ANKFY1: variants seen among roughly 807,000 people sequenced by gnomAD.
ANKFY1 encodes the protein ankyrin repeat and FYVE domain-containing protein 1.
In ANKFY1, 47 loss-of-function variants were observed where a neutral mutation model predicts 128.3. The observed-to-expected ratio is 0.37, with a 90% CI of 0.29 to 0.47. The LOEUF (loss-of-function observed/expected upper bound fraction) is 0.47. Ranked by LOEUF, ANKFY1 falls within the 20% of genes least tolerant of loss-of-function variation. The pLI, the probability that ANKFY1 is intolerant of heterozygous loss-of-function variation, is 1.00. For missense variants in ANKFY1, 1,222 were observed against 1,510.6 expected, an observed-to-expected ratio of 0.81 and a Z score of 3.17; for synonymous variants, 553 against 601.6, an observed-to-expected ratio of 0.92 and a Z score of 1.18.
At position 4,180,901 on chromosome 17, in the gene ANKFY1, T is replaced by C. The variant is rs1214221064; in HGVS notation, c.2240+353A>G. The C allele has an allele frequency of 6.6e-5, 13 of 196,232 alleles. No individual in the cohort carries two copies. In the East Asian group the frequency reaches 1.5e-3, roughly 22 times the overall value. The allele number at this position is 196,232 out of a possible 1,614,324, so 12.2% of individuals were successfully genotyped here. ...AGGGGGCCACAGAGCCTGTTACGAC[T>C]CACACATCGTGGTGGGGTCCTGCAG... On this transcript the variant is annotated intron_variant, in intron 16 of 24. Transcript: ENST00000341657.
At chr17:4,248,108 T>A (rs947120923) in intron 1 of ANKFY1, among the ~76,000 whole-genome samples, 3 of 152,158 alleles carry the variant, frequency 2.0e-5, no homozygotes, top group African/African-American at 7.2e-5. Flanking sequence ...TGTGCTTCAG[T>A]CTTCTCACAT....
intron 3 of ANKFY1, among the ~76,000 whole-genome samples, chr17:4,233,925 G>T (rs1486656108): frequency 6.6e-6 from 1 of 152,224 alleles, no homozygotes. Context: ...GGCAAGTCCA[G>T]TCATAAGCAG....
At chr17:4,187,504 G>A (rs1274994381) in intron 11 of ANKFY1, 7 of 375,278 alleles carry the variant, frequency 1.9e-5, no homozygotes, top group Non-Finnish European at 2.8e-5. Context: ...CCCACACAGC[G>A]GAAGCCAGTG....
At chr17:4,197,856 G>A (rs143955896) in intron 7 of ANKFY1, among the ~76,000 whole-genome samples, 6 of 152,260 alleles carry the variant, frequency 3.9e-5, no homozygotes, top group Non-Finnish European at 8.8e-5. Context: ...TGGGCCAGGC[G>A]CAGTGGCTCA....
Position 4,184,798 on chromosome 17 carries a change from C to T in ANKFY1, c.1699+20G>A, listed in dbSNP as rs1316477371. On this transcript the variant is annotated intron_variant, in intron 12 of 24. Transcript: ENST00000341657. ...GCTGTCCCCAAGTCAAAAGGATGGACAGTATTCCCACTTACTTACCTTTCT... is the reference window on the plus strand; with the variant it reads ...GCTGTCCCCAAGTCAAAAGGATGGATAGTATTCCCACTTACTTACCTTTCT... 5 of 1,605,810 alleles carry T rather than the reference C, an allele frequency of 3.1e-6. No homozygotes were observed. The highest frequency in any genetic ancestry group is 4.5e-5 in the East Asian group (2 of 44,846).
chr17:4,239,219 A>T lies in ANKFY1; in HGVS notation c.203+3037T>A, dbSNP rs561884247. The stretch of plus-strand genomic sequence containing the variant: ...GCAAAATAAAATTACTAATCAATTG[A>T]TAAGTAATTGAGAAACTAAATGATG... On this transcript the variant is annotated intron_variant, in intron 2 of 24. Transcript: ENST00000341657. Among the ~76,000 whole-genome samples the T allele has an allele frequency of 1.6e-4, 24 of 152,370 alleles. No individual in the cohort carries two copies. In the South Asian group the frequency reaches 4.6e-3, roughly 29 times the overall value.
In ANKFY1 at chr17:4,193,735, AT is replaced by A. The variant is rs112195832; in HGVS notation, c.1372+1242del. ...AGCCACTGCGCCTGGCTGACCTTTA[AT>A]TTTTTTTTATTTTATTTTAATTAAT... On this transcript the variant is annotated intron_variant, in intron 10 of 24. Coordinates refer to ENST00000341657, the MANE Select transcript of ANKFY1 (RefSeq NM_001330063.2). Among the ~76,000 whole-genome samples the A allele has an allele frequency of 9.2e-3, 1,368 of 148,596 alleles. 17 individuals carry two copies. Among genetic ancestry groups the A allele is most frequent in the African/African-American group, 0.033 (1,317 of 40,376 alleles).
chr17:4,243,894 C>T (rs1363474251), intron 1 of ANKFY1, among the ~76,000 whole-genome samples: 2 of 152,042 alleles, frequency 1.3e-5, no homozygotes, highest in African/African-American at 4.8e-5. Context: ...ATACCTGTCA[C>T]TGGAGCCCTG....
rs565850045 is a variant in ANKFY1, at chr17:4,183,453, G to T, written c.1897C>A (p.Gln633Lys). 32 of 1,613,806 alleles carry T rather than the reference G, an allele frequency of 2.0e-5. No individual in the cohort carries two copies. The African/African-American group carries it at 2.1e-4, about 11-fold the overall frequency. The change falls in exon 14 of 25, where the codon CAG becomes AAG. Residue 633 changes from glutamine (Q) to lysine (K), a missense_variant. By Grantham distance (53) the Gln-to-Lys change is moderately conservative (BLOSUM62 1). Transcript: ENST00000341657. ...AGGAAGAGTGCGCTCTTGCTGTCCT[G>T]CCGCTGTATGGCCATGTGCAGTAGC... ...QTLLHMAIQR[Q>K]DSKSALFLLE... is the part of the protein sequence containing the mutation.
chr17:4,212,346 G>A (rs76398359), intron 4 of ANKFY1, among the ~76,000 whole-genome samples: 55 of 152,304 alleles, frequency 3.6e-4, no homozygotes, highest in African/African-American at 1.3e-3. Flanking sequence ...TTACATTTTA[G>A]GGGCCAAATT....
At chr17:4,247,405 A>C (rs764467162) in intron 1 of ANKFY1, among the ~76,000 whole-genome samples, 8 of 152,206 alleles carry the variant, frequency 5.3e-5, no homozygotes, top group Non-Finnish European at 8.8e-5. Flanking sequence ...AGCAGAGAAG[A>C]AGCTAGATAA....
intron 7 of ANKFY1, among the ~76,000 whole-genome samples, chr17:4,199,472 A>G (rs968411795): frequency 3.7e-4 from 56 of 152,172 alleles, no homozygotes; most frequent in Non-Finnish European, 5.9e-5. Context: ...GATTACAGGC[A>G]TAAGCCACTG....
chr17:4,183,414 C>T lies in ANKFY1; in HGVS notation c.1936G>A (p.Ala646Thr), dbSNP rs959318136. The change falls in exon 14 of 25, where the codon GCA becomes ACA. Residue 646 changes from alanine (A) to threonine (T), a missense_variant. Ala to Thr is a moderately conservative substitution (Grantham distance 58). Transcript: ENST00000341657. ...TCCTCCTACCTGACATTTATATCTGCCTGGTGCTCCAGCAGGAAGAGTGCG... is the reference window on the plus strand; with the variant it reads ...TCCTCCTACCTGACATTTATATCTGTCTGGTGCTCCAGCAGGAAGAGTGCG... ...KSALFLLEHQ[A>T]DINVRTQDGE... 2 of 1,613,888 alleles carry T rather than the reference C, an allele frequency of 1.2e-6. No homozygotes were observed.
Position 4,206,475 on chromosome 17 carries a change from C to T in ANKFY1, c.744G>A (p.Lys248=). 1 of 1,612,268 alleles carries T rather than the reference C, an allele frequency of 6.2e-7. No homozygotes were observed. The highest frequency in any genetic ancestry group is 8.5e-7 in the Non-Finnish European group (1 of 1,178,422). ...LIEMDSQLPG[K]LNEADHNGDL... The stretch of plus-strand genomic sequence containing the variant: ...CTCCGTTATGATCCGCTTCATTCAG[C>T]TTCCCAGGGAGCTACACAAACAAGT... Residue 248 remains lysine, a synonymous_variant, in exon 7 of 25, where the codon AAG becomes AAA. Coordinates refer to ENST00000341657, the MANE Select transcript of ANKFY1 (RefSeq NM_001330063.2).
In ANKFY1 at chr17:4,198,624, G is replaced by A. The variant is rs946916888; in HGVS notation, c.899-1047C>T. 6.6e-5 allele frequency among the ~76,000 whole-genome samples: 10 copies of A among 152,040 alleles called. No homozygotes were observed. The South Asian group carries it at 1.5e-3, about 22-fold the overall frequency. On this transcript the variant is annotated intron_variant, in intron 7 of 24. Coordinates refer to ENST00000341657, the MANE Select transcript of ANKFY1 (RefSeq NM_001330063.2). ...TGAGCTCAGGAAAACCACCTGCCTC[G>A]GCCTCCCAAAATGCTGGGATTACAG... is the stretch of plus-strand genomic sequence containing the variant.
In ANKFY1 at chr17:4,263,924, A is replaced by T. The variant is rs745379057; in HGVS notation, c.10+8T>A. 6.2e-6 allele frequency: 10 copies of T among 1,613,902 alleles called. No homozygotes were observed. The South Asian group carries it at 6.6e-5, about 11-fold the overall frequency. ...GTCTTCCCGCGCGGCTCCACAAAAAAACCCTACCTTCCGCCATGTCTGGCC... is the reference window on the plus strand; with the variant it reads ...GTCTTCCCGCGCGGCTCCACAAAAATACCCTACCTTCCGCCATGTCTGGCC... On this transcript the variant is annotated splice_region_variant and intron_variant, in intron 1 of 24. Transcript: ENST00000341657.
intron 19 of ANKFY1, 131 bp from the exon 20 acceptor site, chr17:4,174,187 A>C (rs966007193): frequency 6.3e-6 from 7 of 1,116,538 alleles, no homozygotes; most frequent in Non-Finnish European, 8.8e-6. Context: ...AGCTGGGAGC[A>C]TAGGAGCTTC....
In ANKFY1 at chr17:4,177,156, T is replaced by G. The variant is rs2059424023; in HGVS notation, c.2745A>C (p.Gln915His). Residue 915 changes from glutamine to histidine, a missense_variant, in exon 19 of 25, where the codon CAA (glutamine) becomes CAC (histidine). Transcript: ENST00000341657. The part of the protein sequence containing the change: ...SKLTPLHLAV[Q>H]AGSEIIVRNL... ...TGCGGACAATAATTTCTGAGCCTGCTTGGACAGCGAGGTGCAGGGGGGTCA... is the reference window on the plus strand; with the variant it reads ...TGCGGACAATAATTTCTGAGCCTGCGTGGACAGCGAGGTGCAGGGGGGTCA... 6.3e-7 allele frequency: 1 copy of G among 1,596,838 alleles called. No homozygotes were observed.
rs1227217634 is a variant in ANKFY1, at chr17:4,234,902, T to C, written c.322+870A>G. On this transcript the variant is annotated intron_variant, in intron 3 of 24. Transcript: ENST00000341657. ...TACATATATAGTAAAATGAGCACTATGGTGAAGCAAATTAACATATCCACC... is the reference window on the plus strand; with the variant it reads ...TACATATATAGTAAAATGAGCACTACGGTGAAGCAAATTAACATATCCACC... 5.3e-5 allele frequency among the ~76,000 whole-genome samples: 8 copies of C among 152,350 alleles called. No individual in the cohort carries two copies. The South Asian group carries it at 8.3e-4, about 16-fold the overall frequency.
Sources: gnomAD v4.1 joint callset for allele counts (sites outside exome capture counted in the v4.1 genomes callset) on GRCh38, gnomAD v4.1.1 for gene constraint, MANE v1.5 for transcripts, NCBI Gene and HGNC (gene_info 2026-07-23, HGNC 2026-07-21) for gene names.